Variants in PTPN21 observed in about 807,000 individuals in gnomAD.
The protein encoded by PTPN21 is protein tyrosine phosphatase non-receptor type 21.
In PTPN21, 77 loss-of-function variants were observed where a neutral mutation model predicts 131.8. That is an observed-to-expected ratio of 0.58 (90% CI 0.49 to 0.71). PTPN21 has a LOEUF of 0.71. Ranked by LOEUF, PTPN21 falls within the 30% of genes least tolerant of loss-of-function variation. The probability of loss-of-function intolerance (pLI) is 0.00; values close to 1 mark genes in which losing one functional copy is unlikely to be tolerated. For synonymous variants in PTPN21, 715 were observed against 621.3 expected (o/e 1.15, Z -2.24); for missense variants, 1,552 against 1,527.1 (o/e 1.02, Z -0.27).
chr14:88,526,676 AT>A (rs1388048937), intron 2 of PTPN21, among the ~76,000 whole-genome samples: 1 of 151,660 alleles, frequency 6.6e-6, no homozygotes, highest in East Asian at 1.9e-4. Flanking sequence ...TATTACAATA[AT>A]TTTTGGGGAA....
rs1458154229 is a variant in PTPN21 at position 88,472,415 on chromosome 14, A to G, written c.2700T>C (p.Tyr900=). Reference sequence around the variant, plus strand: ...CTAGCCGTTTCTTAAGAATTCTTTCATATTCTGTGAATACCATTCCTTGTT... The same window carrying G: ...CTAGCCGTTTCTTAAGAATTCTTTCGTATTCTGTGAATACCATTCCTTGTT... ...RLEQGMVFTE[Y]ERILKKRLVD... Residue 900 remains tyrosine, a synonymous_variant, in exon 15 of 19, where the codon TAT becomes TAC. Transcript: ENST00000556564. 3 of 1,613,910 alleles carry G rather than the reference A, an allele frequency of 1.9e-6. No homozygotes were observed. The African/African-American group carries it at 4.0e-5, about 22-fold the overall frequency.
chr14:88,516,970 G>T, intron 3 of PTPN21, 122 bp downstream of exon 3: 2 of 1,107,100 alleles, frequency 1.8e-6, no homozygotes, highest in Non-Finnish European at 2.5e-6. Context: ...TTGTAACACC[G>T]TGGCTAAAAA....
At chr14:88,505,163 G>T in intron 5 of PTPN21, 141 bp downstream of exon 5, 1 of 665,150 alleles carries the variant, frequency 1.5e-6, no homozygotes, top group Non-Finnish European at 2.5e-6. Flanking sequence ...AGTCACACTT[G>T]AGATGTTTAT....
chr14:88,544,716 G>A (rs1210431770), intron 2 of PTPN21, among the ~76,000 whole-genome samples: 1 of 152,184 alleles, frequency 6.6e-6, no homozygotes, highest in Non-Finnish European at 1.5e-5. Flanking sequence ...AGGCAGACAG[G>A]CACTGAAGCA....
chr14:88,550,277 T>G lies in PTPN21; in HGVS notation c.141A>C (p.Glu47Asp). ...GCCTCTGGGCCACGGCCTCGAGGCT[T>G]TCCTGGCCAGTGCTCTCCACGGACA... ...FTLSVESTGQ[E>D]SLEAVAQRLE... Residue 47 changes from glutamate to aspartate, a missense_variant, in exon 2 of 19, where the codon GAA becomes GAC. Glu to Asp is a conservative substitution (Grantham distance 45). Coordinates refer to ENST00000556564, the MANE Select transcript of PTPN21 (RefSeq NM_007039.4). The G allele has an allele frequency of 1.9e-6, 3 of 1,614,112 alleles. No homozygotes were observed. Among genetic ancestry groups the G allele is most frequent in the Non-Finnish European group, 2.5e-6 (3 of 1,180,004 alleles).
In PTPN21 at chr14:88,468,075, AG is replaced by A. The variant is rs2077392699; in HGVS notation, c.*61del. On this transcript the variant is annotated 3_prime_UTR_variant, in exon 19 of 19. Coordinates refer to ENST00000556564, the MANE Select transcript of PTPN21 (RefSeq NM_007039.4). Reference sequence around the variant, plus strand: ...TCAACGGGAAAGTATGAGTTAGGCAAGCGCTTTTTTTTTAAGCTGTAAACGC... The same window carrying A: ...TCAACGGGAAAGTATGAGTTAGGCAACGCTTTTTTTTTAAGCTGTAAACGC... 2.1e-6 allele frequency: 3 copies of A among 1,429,648 alleles called. No individual in the cohort carries two copies. The highest frequency in any genetic ancestry group is 2.9e-6 in the Non-Finnish European group (3 of 1,028,812). The allele number at this position is 1,429,648 out of a possible 1,614,324, so 88.6% of individuals were successfully genotyped here.
intron 2 of PTPN21, among the ~76,000 whole-genome samples, chr14:88,517,749 ATATAC>A (rs2078300867): frequency 7.9e-6 from 1 of 125,986 alleles, no homozygotes; most frequent in South Asian, 2.6e-4. Flanking sequence ...ACACGTGTGT[ATATAC>A]TAGTGTATAT....
chr14:88,541,102 C>A (rs1200207152), intron 2 of PTPN21, among the ~76,000 whole-genome samples: 3 of 152,204 alleles, frequency 2.0e-5, no homozygotes, highest in African/African-American at 4.8e-5. Flanking sequence ...AATCTCAACA[C>A]TATACACCTT....
At chr14:88,551,014 A>T (rs188578269) in intron 1 of PTPN21, among the ~76,000 whole-genome samples, 15 of 152,290 alleles carry the variant, frequency 9.8e-5, no homozygotes, top group African/African-American at 3.6e-4. Context: ...CTTAAGTGAG[A>T]AAAGTGCCAA....
intron 3 of PTPN21, among the ~76,000 whole-genome samples, chr14:88,516,475 C>T (rs946716757): frequency 2.6e-5 from 4 of 152,080 alleles, no homozygotes; most frequent in African/African-American, 7.2e-5. Flanking sequence ...GAAAGGCAGG[C>T]TCAAGAACTC....
rs763755289 is a variant in PTPN21, at chr14:88,479,325, C to G, written c.2106G>C (p.Ser702=). The G allele has an allele frequency of 7.4e-6, 12 of 1,613,322 alleles. No homozygotes were observed. The South Asian group carries it at 9.9e-5, about 13-fold the overall frequency. The change falls in exon 13 of 19, where the codon TCG becomes TCC. Residue 702 remains serine, a synonymous_variant. Coordinates refer to ENST00000556564, the MANE Select transcript of PTPN21 (RefSeq NM_007039.4). Reference sequence around the variant, plus strand: ...TGCTGTGGATTAGCATGGTGGCGTCCGACAGGGACTTCTTATGGCCGTACC... The same window carrying G: ...TGCTGTGGATTAGCATGGTGGCGTCGGACAGGGACTTCTTATGGCCGTACC... ...GLRYGHKKSL[S]DATMLIHSSE... is the part of the protein sequence containing the mutation.
intron 3 of PTPN21, among the ~76,000 whole-genome samples, chr14:88,516,677 A>G (rs2078276242): frequency 6.6e-6 from 1 of 152,188 alleles, no homozygotes; most frequent in Non-Finnish European, 1.5e-5. Flanking sequence ...GGTCTACAGA[A>G]TATAGCTAGA....
At chr14:88,544,190 CA>C (rs1395683248) in intron 2 of PTPN21, among the ~76,000 whole-genome samples, 3 of 151,872 alleles carry the variant, frequency 2.0e-5, no homozygotes, top group Non-Finnish European at 4.4e-5. Flanking sequence ...ACTAAAAATA[CA>C]AAAATTAGCC....
chr14:88,533,986 G>C (rs993520725), intron 2 of PTPN21, among the ~76,000 whole-genome samples: 1 of 152,164 alleles, frequency 6.6e-6, no homozygotes, highest in South Asian at 2.1e-4. Context: ...CTGTCCAGGA[G>C]GACAAGATGT....
At position 88,500,782 on chromosome 14, in the gene PTPN21, C is replaced by T; in HGVS notation, c.764+1G>A. The T allele has an allele frequency of 6.2e-7, 1 of 1,604,178 alleles. No individual in the cohort carries two copies. The highest frequency in any genetic ancestry group is 1.1e-5 in the South Asian group (1 of 90,834). On this transcript the variant is annotated splice_donor_variant, in intron 8 of 18. Transcript: ENST00000556564. LOFTEE classifies it high-confidence loss of function. The stretch of plus-strand genomic sequence containing the variant: ...CATACAAAAAGAGGTAAGAAAAATA[C>T]CTAAATACCACAGGATGCCTTCCAT...
rs2077486946 is a variant in PTPN21 at position 88,472,481 on chromosome 14, T to G, written c.2650-16A>C. 4 of 1,513,992 alleles carry G rather than the reference T, an allele frequency of 2.6e-6. No individual in the cohort carries two copies. The East Asian group carries it at 9.0e-5, about 34-fold the overall frequency. 93.8% of individuals were successfully genotyped at this position (1,513,992 alleles called of 1,614,324 possible). A position where few individuals can be genotyped will look rare whatever the true frequency, so the allele number is the denominator to read the frequency against. Reference sequence around the variant, plus strand: ...GAATTTTACACTATAAAACAGAATATGTGTAATAACATGAATACAGCCACA... The same window carrying G: ...GAATTTTACACTATAAAACAGAATAGGTGTAATAACATGAATACAGCCACA... On this transcript the variant is annotated splice_polypyrimidine_tract_variant and intron_variant, in intron 14 of 18. Coordinates refer to ENST00000556564, the MANE Select transcript of PTPN21 (RefSeq NM_007039.4).
intron 13 of PTPN21, among the ~76,000 whole-genome samples, chr14:88,474,131 CAAAAAAA>C (rs754719071): frequency 4.3e-5 from 2 of 46,680 alleles, no homozygotes; most frequent in African/African-American, 7.9e-5. Context: ...AGCTGAAGTC[CAAAAAAA>C]AAAAAAAAAA....
Position 88,468,166 on chromosome 14 carries a change from G to C in PTPN21, c.3496C>G (p.Gln1166Glu), listed in dbSNP as rs1229848772. The C allele has an allele frequency of 6.2e-7, 1 of 1,613,864 alleles. No homozygotes were observed. The highest frequency in any genetic ancestry group is 1.3e-5 in the African/African-American group (1 of 75,038). The stretch of plus-strand genomic sequence containing the variant: ...ATGAGCCTGGAGCTTTTCAGGAACT[G>C]GATGAGGACTCTGTACACAAATGTG... ...QYTFVYRVLI[Q>E]FLKSSRLI is the part of the protein sequence containing the mutation. Residue 1166 changes from glutamine to glutamate, a missense_variant, in exon 19 of 19, where the codon CAG becomes GAG. Around this residue, in one of 4 missense-constraint regions of PTPN21, gnomAD observed 316 missense variants for 378.5 expected, o/e 0.83. Transcript: ENST00000556564.
chr14:88,552,780 AAAT>A (rs2078885429), intron 1 of PTPN21, among the ~76,000 whole-genome samples: 1 of 152,240 alleles, frequency 6.6e-6, no homozygotes, highest in African/African-American at 2.4e-5. Context: ...GGTATAAACT[AAAT>A]AAGTAAAGCA....
Sources: allele counts gnomAD v4.1 joint callset (sites outside exome capture counted in the v4.1 genomes callset), GRCh38; gene constraint gnomAD v4.1.1; regional missense constraint gnomAD v4.1.1; transcripts MANE v1.5; gene names NCBI Gene and HGNC (gene_info 2026-07-23, HGNC 2026-07-21).